Variants in EGFLAM observed in about 807,000 individuals in gnomAD.
EGFLAM encodes pikachurin.
EGFLAM carries 79 observed loss-of-function variants against 113.1 expected under a neutral mutation model. The observed-to-expected ratio is 0.70, with a 90% CI of 0.58 to 0.84. EGFLAM has a LOEUF of 0.84. Ranked by LOEUF, EGFLAM falls within the 40% of genes least tolerant of loss-of-function variation. EGFLAM has a pLI of 0.00. For synonymous variants in EGFLAM, 504 were observed against 487.6 expected (o/e 1.03, Z -0.44); for missense variants, 1,265 against 1,291.6 (o/e 0.98, Z 0.32).
At chr5:38,310,330 T>G (rs6859184) in intron 1 of EGFLAM, among the ~76,000 whole-genome samples, 2,010 of 152,120 alleles carry the variant, frequency 0.013, 43 homozygotes, top group African/African-American at 0.045. Flanking sequence ...TCACTTACTA[T>G]CTGTACACTT....
chr5:38,375,064 T>G (rs1019908093), intron 6 of EGFLAM, among the ~76,000 whole-genome samples: 12 of 150,692 alleles, frequency 8.0e-5, no homozygotes, highest in East Asian at 1.9e-4. Context: ...GTTGTTGTTT[T>G]TTTTTTTTTT....
intron 18 of EGFLAM, among the ~76,000 whole-genome samples, chr5:38,448,936 T>C (rs1243834456): frequency 6.6e-6 from 1 of 152,200 alleles, no homozygotes; most frequent in East Asian, 1.9e-4. Context: ...GCTCTCTTCA[T>C]GTGGATACAG....
intron 3 of EGFLAM, among the ~76,000 whole-genome samples, chr5:38,340,913 CTAGACA>C (rs1011390873): frequency 1.3e-5 from 2 of 151,844 alleles, no homozygotes; most frequent in African/African-American, 4.8e-5. Flanking sequence ...GAAATCAAGA[CTAGACA>C]TAAAGGCAGT....
intron 1 of EGFLAM, among the ~76,000 whole-genome samples, chr5:38,297,686 C>T (rs1758479312): frequency 6.6e-6 from 1 of 152,190 alleles, no homozygotes; most frequent in South Asian, 2.1e-4. Flanking sequence ...TTTAAAGTCA[C>T]ACTTCTCAGG....
At chr5:38,426,919 G>C (rs1742028628) in intron 13 of EGFLAM, 90 bp from the exon 14 acceptor site, 39 of 1,549,330 alleles carry the variant, frequency 2.5e-5, no homozygotes, top group Non-Finnish European at 3.2e-5. Flanking sequence ...GTTTAGGTCT[G>C]TACCCAGGAG....
rs920000225 is a variant in EGFLAM at position 38,330,285 on chromosome 5, G to A, written c.98-7235G>A. ...CTTGAGAGACAGGGAAGGCCGGAGT[G>A]AGGTGGAGGCCATTTTCCTGCTGCT... On this transcript the variant is annotated intron_variant, in intron 1 of 21. Transcript: ENST00000322350. 1.1e-4 allele frequency among the ~76,000 whole-genome samples: 16 copies of A among 152,318 alleles called. 1 individual carries two copies. The highest frequency in any genetic ancestry group is 3.8e-4 in the African/African-American group (16 of 41,572).
chr5:38,425,052 C>T lies in EGFLAM; in HGVS notation c.1770C>T (p.Cys590=). 2 of 1,614,072 alleles carry T rather than the reference C, an allele frequency of 1.2e-6. No homozygotes were observed. Among genetic ancestry groups the T allele is most frequent in the South Asian group, 2.2e-5 (2 of 91,078 alleles). ...CTAIKADSYI[C]LCPLGFKGRH... is the part of the protein sequence containing the mutation. ...CAATCAAAGCCGACTCCTACATTTG[C>T]CTCTGTCCCCTTGGGTTTAAAGGTC... is the stretch of plus-strand genomic sequence containing the variant. The change falls in exon 13 of 22, where the codon TGC becomes TGT. Residue 590 remains cysteine, a synonymous_variant. Transcript: ENST00000322350.
intron 1 of EGFLAM, among the ~76,000 whole-genome samples, chr5:38,260,010 G>C (rs751403935): frequency 6.6e-6 from 1 of 152,146 alleles, no homozygotes; most frequent in African/African-American, 2.4e-5. Flanking sequence ...CTTATTACCA[G>C]CACTTGTTAC....
intron 6 of EGFLAM, among the ~76,000 whole-genome samples, chr5:38,398,108 G>A (rs1741010394): frequency 1.3e-5 from 2 of 152,208 alleles, no homozygotes; most frequent in Admixed American, 1.3e-4. Context: ...GGCTCTGGGT[G>A]TGGATTGTTT....
chr5:38,435,981 C>T (rs1378983984), intron 16 of EGFLAM, among the ~76,000 whole-genome samples: 1 of 152,034 alleles, frequency 6.6e-6, no homozygotes, highest in Non-Finnish European at 1.5e-5. Flanking sequence ...CCACGTCCAG[C>T]TAATTTTTGT....
intron 17 of EGFLAM, among the ~76,000 whole-genome samples, chr5:38,439,228 A>G (rs1742455048): frequency 6.6e-6 from 1 of 152,190 alleles, no homozygotes; most frequent in South Asian, 2.1e-4. Context: ...AAGCCAAGGC[A>G]GGTCATAGAC....
intron 6 of EGFLAM, among the ~76,000 whole-genome samples, chr5:38,396,008 C>T (rs1170244596): frequency 1.3e-5 from 2 of 152,144 alleles, no homozygotes; most frequent in African/African-American, 2.4e-5. Flanking sequence ...CACTCCATCT[C>T]CCTGCTTTCC....
intron 6 of EGFLAM, among the ~76,000 whole-genome samples, chr5:38,396,409 A>G (rs962955582): frequency 3.9e-5 from 6 of 152,240 alleles, no homozygotes; most frequent in African/African-American, 1.4e-4. Flanking sequence ...ATGACTGACT[A>G]GATACATAGA....
At chr5:38,378,175 T>C (rs6886280) in intron 6 of EGFLAM, among the ~76,000 whole-genome samples, 1 of 152,168 alleles carries the variant, frequency 6.6e-6, no homozygotes, top group Non-Finnish European at 1.5e-5. Context: ...TTCCATGCTG[T>C]TCCCCAGCAC....
intron 4 of EGFLAM, 70 bp downstream of exon 4, chr5:38,350,688 A>C: frequency 2.1e-6 from 3 of 1,415,560 alleles, no homozygotes; most frequent in Non-Finnish European, 2.0e-6. Flanking sequence ...AGCAAATATC[A>C]ATAGGGACTT....
intron 6 of EGFLAM, among the ~76,000 whole-genome samples, chr5:38,400,707 A>T (rs1741087345): frequency 6.6e-6 from 1 of 152,128 alleles, no homozygotes; most frequent in Non-Finnish European, 1.5e-5. Flanking sequence ...AATGACTATT[A>T]TCCTGGATTA....
chr5:38,302,160 T>A (rs570421254), intron 1 of EGFLAM, among the ~76,000 whole-genome samples: 1 of 149,682 alleles, frequency 6.7e-6, no homozygotes, highest in East Asian at 2.0e-4. Flanking sequence ...TCATTTGAAC[T>A]CAGGAGGTAG....
intron 3 of EGFLAM, among the ~76,000 whole-genome samples, chr5:38,346,266 T>C (rs1364523682): frequency 1.3e-5 from 2 of 152,224 alleles, no homozygotes; most frequent in African/African-American, 4.8e-5. Flanking sequence ...GGTCGTAAAG[T>C]AATAATAATC....
At chr5:38,350,468 T>C in intron 3 of EGFLAM, 33 bp from the exon 4 acceptor site, 1 of 1,599,986 alleles carries the variant, frequency 6.3e-7, no homozygotes, top group Non-Finnish European at 8.6e-7. Context: ...GATGTACTGA[T>C]TGTTAGCATC....
Sources: gnomAD v4.1 joint callset for allele counts (sites outside exome capture counted in the v4.1 genomes callset) on GRCh38, gnomAD v4.1.1 for gene constraint, MANE v1.5 for transcripts, NCBI Gene and HGNC (gene_info 2026-07-23, HGNC 2026-07-21) for gene names.